Variants in LRP2 observed in about 807,000 individuals in gnomAD.
LRP2 encodes the protein LDL receptor related protein 2.
In LRP2, 172 loss-of-function variants were observed where a neutral mutation model predicts 531.0. The observed-to-expected ratio is 0.32, with a 90% CI of 0.29 to 0.37. LRP2 has a LOEUF of 0.37. LRP2 is among the 10% of genes least tolerant of loss of function. The pLI is 1.00. For missense variants in LRP2, 5,167 were observed against 5,868.3 expected (o/e 0.88, Z 3.90); for synonymous variants, 1,992 against 2,027.6 (o/e 0.98, Z 0.47).
intron 9 of LRP2, among the ~76,000 whole-genome samples, chr2:169,284,280 TTTG>T (rs1683787896): frequency 1.4e-5 from 2 of 142,184 alleles, no homozygotes; most frequent in African/African-American, 5.3e-5. Flanking sequence ...TTTTTTTTTT[TTTG>T]AGATGGAGTC....
At chr2:169,255,532 A>T (rs981820428) in intron 19 of LRP2, among the ~76,000 whole-genome samples, 8 of 152,166 alleles carry the variant, frequency 5.3e-5, no homozygotes, top group Non-Finnish European at 1.0e-4. Context: ...GACGAAAAAA[A>T]ATTATGTCTT....
In LRP2 at chr2:169,246,890, T is replaced by A. The variant is rs756146359; in HGVS notation, c.3005A>T (p.Tyr1002Phe). ...GTGATTGGAAGCCAGCCTCATTCCA[T>A]AAGGGCACCCACACACTCGCTGGAA... Reference protein sequence around the residue: ...PNFQRVCGCPYGMRLASNHLT... With the variant: ...PNFQRVCGCPFGMRLASNHLT... Residue 1002 changes from tyrosine to phenylalanine, a missense_variant, in exon 21 of 79, where the codon TAT becomes TTT. Around this residue, in one of 6 missense-constraint regions of LRP2, gnomAD observed 2,811 missense variants for 3,058.0 expected, o/e 0.92. Coordinates refer to ENST00000649046, the MANE Select transcript of LRP2 (RefSeq NM_004525.3). 1.2e-6 allele frequency: 2 copies of A among 1,614,152 alleles called. No individual in the cohort carries two copies. Among genetic ancestry groups the A allele is most frequent in the East Asian group, 2.2e-5 (1 of 44,880 alleles).
intron 77 of LRP2, 49 bp from the exon 78 acceptor site, chr2:169,129,133 G>T (rs747977476): frequency 1.5e-6 from 2 of 1,330,064 alleles, no homozygotes; most frequent in Non-Finnish European, 2.2e-6. Flanking sequence ...GAATTATTTT[G>T]TGGGTTTCTT....
At position 169,236,103 on chromosome 2, in the gene LRP2, C is replaced by G. The variant is rs74457112; in HGVS notation, c.4692-35G>C. On this transcript the variant is annotated intron_variant, in intron 28 of 78. Transcript: ENST00000649046. ...GAAATGAGTTACCAATTGGAGGGGACGTATTTAAATATTAAAAATAACTGT... is the reference window on the plus strand; with the variant it reads ...GAAATGAGTTACCAATTGGAGGGGAGGTATTTAAATATTAAAAATAACTGT... 2.1e-3 allele frequency: 2,961 copies of G among 1,425,432 alleles called. 50 individuals are homozygous for G. In the African/African-American group the frequency reaches 0.037, roughly 18 times the overall value. The allele number at this position is 1,425,432 out of a possible 1,614,324, so 88.3% of individuals were successfully genotyped here.
chr2:169,328,440 A>AT (rs1420852594), intron 1 of LRP2, among the ~76,000 whole-genome samples: 9 of 127,582 alleles, frequency 7.1e-5, no homozygotes, highest in Non-Finnish European at 9.9e-5. Context: ...ACGGGCCGGG[A>AT]TAAAAAAAAA....
chr2:169,209,164 TA>T (rs1022156649), intron 38 of LRP2, among the ~76,000 whole-genome samples: 3 of 151,988 alleles, frequency 2.0e-5, no homozygotes, highest in Admixed American at 6.6e-5. Context: ...AATCTAAGTG[TA>T]AAAAAAACAA....
At chr2:169,304,401 A>G (rs1684361045) in intron 4 of LRP2, among the ~76,000 whole-genome samples, 1 of 152,224 alleles carries the variant, frequency 6.6e-6, no homozygotes, top group African/African-American at 2.4e-5. Context: ...TTGTTTATTC[A>G]TAAGAGATTA....
chr2:169,348,260 T>C (rs1685747770), intron 1 of LRP2, among the ~76,000 whole-genome samples: 2 of 152,210 alleles, frequency 1.3e-5, no homozygotes, highest in African/African-American at 2.4e-5. Context: ...TGGAATTCCA[T>C]CATTCTCCTG....
At chr2:169,166,566 T>G (rs1686792147) in intron 61 of LRP2, among the ~76,000 whole-genome samples, 1 of 152,240 alleles carries the variant, frequency 6.6e-6, no homozygotes, top group South Asian at 2.1e-4. Flanking sequence ...TTGATCCTCC[T>G]GATGGCAGTT....
At chr2:169,220,615 G>T (rs1483051942) in intron 33 of LRP2, 52 bp from the exon 34 acceptor site, 1 of 1,216,822 alleles carries the variant, frequency 8.2e-7, no homozygotes, top group Non-Finnish European at 1.2e-6. Context: ...GGAACCAAAG[G>T]AAACTGAGAT....
intron 4 of LRP2, among the ~76,000 whole-genome samples, chr2:169,298,859 C>T (rs1000280661): frequency 6.6e-6 from 1 of 151,744 alleles, no homozygotes; most frequent in African/African-American, 2.4e-5. Flanking sequence ...GGTACCACCA[C>T]GACTCCCCAA....
intron 13 of LRP2, among the ~76,000 whole-genome samples, chr2:169,277,435 T>G (rs957820295): frequency 6.6e-6 from 1 of 152,044 alleles, no homozygotes; most frequent in Non-Finnish European, 1.5e-5. Flanking sequence ...AAAGCACAAA[T>G]GAACTCAGGA....
Position 169,257,062 on chromosome 2 carries a change from G to A in LRP2, c.2639+62C>T, listed in dbSNP as rs963446575. On this transcript the variant is annotated intron_variant, in intron 18 of 78. Transcript: ENST00000649046. ...CTTACACCATCATATCACCCAACCT[G>A]CCTCATTATGTGTTCTGCAGTAAAA... is the stretch of plus-strand genomic sequence containing the variant. 32 of 1,598,742 alleles carry A rather than the reference G, an allele frequency of 2.0e-5. No homozygotes were observed. In the African/African-American group the frequency reaches 4.2e-4, roughly 21 times the overall value.
chr2:169,188,986 G>A (rs904621717), intron 48 of LRP2, among the ~76,000 whole-genome samples: 1 of 152,170 alleles, frequency 6.6e-6, no homozygotes, highest in African/African-American at 2.4e-5. Context: ...AAGAAGGCAT[G>A]CTGTAGTACT....
At position 169,266,733 on chromosome 2, in the gene LRP2, C is replaced by T. The variant is rs184490336; in HGVS notation, c.2320+4171G>A. ...CCTTGGCATTTACATAGTCCAGCAT[C>T]CCTGAAGAGATGTCTTCCCCTTTAA... On this transcript the variant is annotated intron_variant, in intron 16 of 78. Transcript: ENST00000649046. 2.5e-3 allele frequency among the ~76,000 whole-genome samples: 379 copies of T among 152,088 alleles called. 1 individual carries two copies. Among genetic ancestry groups the T allele is most frequent in the Non-Finnish European group, 4.5e-3 (308 of 67,964 alleles).
At position 169,204,160 on chromosome 2, in the gene LRP2, G is replaced by A; in HGVS notation, c.7827C>T (p.Asp2609=). 6.2e-7 allele frequency: 1 copy of A among 1,614,170 alleles called. No homozygotes were observed. The highest frequency in any genetic ancestry group is 8.5e-7 in the Non-Finnish European group (1 of 1,180,026). ...TLYGQYIYWT[D]LYTQRIYRAN... is the part of the protein sequence containing the mutation. ...CTCGGTAAATTCTTTGTGTGTACAA[G>A]TCAGTCCAGTAAATATACTGGCCAT... The change falls in exon 42 of 79, where the codon GAC becomes GAT. Residue 2609 remains aspartate, a synonymous_variant. Transcript: ENST00000649046.
At chr2:169,275,302 G>A (rs993087126) in intron 13 of LRP2, 64 bp from the exon 14 acceptor site, 17 of 1,279,494 alleles carry the variant, frequency 1.3e-5, no homozygotes, top group Non-Finnish European at 1.9e-5. Flanking sequence ...AATTAAAGCT[G>A]TAGTTAGTTC....
chr2:169,163,748 C>T (rs528140670), intron 62 of LRP2, among the ~76,000 whole-genome samples: 10 of 152,268 alleles, frequency 6.6e-5, no homozygotes, highest in Middle Eastern at 3.4e-3. Flanking sequence ...CCTGGGCTCC[C>T]GACCTTCTAT....
intron 1 of LRP2, among the ~76,000 whole-genome samples, chr2:169,327,451 C>T (rs1574261263): frequency 8.2e-6 from 1 of 122,554 alleles, no homozygotes; most frequent in Non-Finnish European, 1.7e-5. Flanking sequence ...GGATCAGCAC[C>T]CCGCCCGGCC....
Sources: allele counts gnomAD v4.1 joint callset (sites outside exome capture counted in the v4.1 genomes callset), GRCh38; gene constraint gnomAD v4.1.1; regional missense constraint gnomAD v4.1.1; transcripts MANE v1.5; gene names NCBI Gene and HGNC (gene_info 2026-07-23, HGNC 2026-07-21).